TENM2: variants seen among roughly 807,000 people sequenced by gnomAD.
The protein encoded by TENM2 is teneurin transmembrane protein 2.
In TENM2, 52 loss-of-function variants were observed where a neutral mutation model predicts 245.2. That is an observed-to-expected ratio of 0.21 (90% CI 0.17 to 0.27). The LOEUF (loss-of-function observed/expected upper bound fraction) is 0.27. Among genes scored for constraint, TENM2 ranks in the 10% least tolerant of loss-of-function variants. TENM2 has a pLI of 1.00. For synonymous variants in TENM2, 1,363 were observed against 1,438.9 expected (o/e 0.95, Z 1.19); for missense variants, 3,046 against 3,666.8 (o/e 0.83, Z 4.37).
In TENM2 at chr5:167,558,056, C is replaced by T. The variant is rs571180659; in HGVS notation, c.502+182583C>T. On this transcript the variant is annotated intron_variant, in intron 2 of 28. Transcript: ENST00000518659. ...ATTGCATAGAAGATCTTCTAAAAGC[C>T]GTGAAACAGAAACCTTCAGTGCTTT... Among the ~76,000 whole-genome samples, 63 of 152,268 alleles carry T rather than the reference C, an allele frequency of 4.1e-4. 1 individual carries two copies. The East Asian group carries it at 0.012, about 28-fold the overall frequency.
the TENM2 span, among the ~76,000 whole-genome samples, chr5:167,080,303 G>C: frequency 6.6e-6 from 1 of 151,656 alleles, no homozygotes; most frequent in Non-Finnish European, 1.5e-5. Flanking sequence ...TGTTGGTGAC[G>C]GTGTGGTATG....
At chr5:167,590,845 G>A (rs1182374818) in intron 2 of TENM2, among the ~76,000 whole-genome samples, 2 of 152,088 alleles carry the variant, frequency 1.3e-5, no homozygotes, top group African/African-American at 4.8e-5. Flanking sequence ...TCCTGGAATT[G>A]TACTTTAAAT....
the TENM2 span, among the ~76,000 whole-genome samples, chr5:167,212,669 C>T: frequency 1.3e-5 from 2 of 152,130 alleles, no homozygotes; most frequent in Admixed American, 6.5e-5. Context: ...GTAAACTTAA[C>T]TGTATAAAAA....
At chr5:168,185,068 T>C (rs1760267222) in intron 13 of TENM2, 2 of 152,230 alleles carry the variant, frequency 1.3e-5, no homozygotes, top group Admixed American at 1.3e-4. Flanking sequence ...CCAGCCACAT[T>C]CTTTCCCAGC....
chr5:167,600,871 A>T (rs901178587), intron 2 of TENM2, among the ~76,000 whole-genome samples: 2 of 152,214 alleles, frequency 1.3e-5, no homozygotes, highest in Non-Finnish European at 2.9e-5. Context: ...ATAGACATTT[A>T]TCTTTATATA....
intron 2 of TENM2, among the ~76,000 whole-genome samples, chr5:167,541,164 CCTT>C (rs2127604385): frequency 6.6e-6 from 1 of 152,234 alleles, no homozygotes; most frequent in African/African-American, 2.4e-5. Context: ...AGCATCAATC[CCTT>C]CTTCTAATAA....
the TENM2 span, among the ~76,000 whole-genome samples, chr5:167,214,729 G>A: frequency 6.6e-6 from 1 of 152,128 alleles, no homozygotes; most frequent in Admixed American, 6.6e-5. Flanking sequence ...GGTGTCACTT[G>A]GAGCAGAGGA....
At chr5:167,815,925 T>C (rs749412809) in intron 2 of TENM2, among the ~76,000 whole-genome samples, 47 of 151,748 alleles carry the variant, frequency 3.1e-4, no homozygotes, top group Non-Finnish European at 3.4e-4. Context: ...CCCTCCATAG[T>C]ATGAGGGGTT....
intron 2 of TENM2, among the ~76,000 whole-genome samples, chr5:167,579,755 T>C (rs1276022720): frequency 1.3e-5 from 2 of 152,192 alleles, no homozygotes; most frequent in Non-Finnish European, 2.9e-5. Flanking sequence ...ACAGTTTACC[T>C]CTCTGCCCCC....
At chr5:167,992,956 C>G (rs758061925) in exon 5 of TENM2, 1 of 1,613,796 alleles carries the variant, frequency 6.2e-7, no homozygotes, top group African/African-American at 1.3e-5. Context: ...ACTTCCTCTT[C>G]AAGACCTCCT....
chr5:167,947,428 G>A (rs1019868505), intron 3 of TENM2, among the ~76,000 whole-genome samples: 9 of 152,152 alleles, frequency 5.9e-5, no homozygotes, highest in Admixed American at 5.2e-4. Flanking sequence ...GAACGACTCA[G>A]AAAGAAAAAT....
chr5:167,349,946 G>C (rs1394419792), intron 1 of TENM2, among the ~76,000 whole-genome samples: 3 of 152,014 alleles, frequency 2.0e-5, no homozygotes, highest in African/African-American at 7.3e-5. Context: ...TGAATATTTA[G>C]GAATACTTGA....
chr5:168,078,764 G>C (rs1259019419), intron 7 of TENM2, among the ~76,000 whole-genome samples: 2 of 151,920 alleles, frequency 1.3e-5, no homozygotes, highest in African/African-American at 4.8e-5. Context: ...ATTTCTGAGG[G>C]CTCTATTCTG....
chr5:168,201,074 A>C (rs574214213), intron 17 of TENM2, among the ~76,000 whole-genome samples: 1 of 152,148 alleles, frequency 6.6e-6, no homozygotes, highest in South Asian at 2.1e-4. Flanking sequence ...GCACCCTCAT[A>C]ACCCCATTGT....
chr5:168,177,193 G>A (rs1759437113), intron 13 of TENM2, among the ~76,000 whole-genome samples: 1 of 152,246 alleles, frequency 6.6e-6, no homozygotes, highest in Non-Finnish European at 1.5e-5. Context: ...GTGAATCCCA[G>A]CTTCCCCACC....
intron 4 of TENM2, among the ~76,000 whole-genome samples, chr5:167,973,052 C>T (rs916706323): frequency 3.3e-5 from 5 of 152,208 alleles, no homozygotes; most frequent in African/African-American, 1.2e-4. Context: ...CTCTTCTCCT[C>T]ATCCACCTTG....
At chr5:167,986,873 C>T (rs956898192) in intron 4 of TENM2, among the ~76,000 whole-genome samples, 1 of 152,196 alleles carries the variant, frequency 6.6e-6, no homozygotes, top group African/African-American at 2.4e-5. Flanking sequence ...TCCCTGTGAC[C>T]ATCTGGCCAA....
chr5:167,307,830 T>G (rs1488437634), intron 1 of TENM2: 2 of 152,238 alleles, frequency 1.3e-5, no homozygotes, highest in Non-Finnish European at 2.9e-5. Context: ...ATCCATACAA[T>G]GTTAACACTG....
Position 168,260,269 on chromosome 5 carries a change from G to A in TENM2, c.7433-14G>A. 1.2e-6 allele frequency: 2 copies of A among 1,612,928 alleles called. No individual in the cohort carries two copies. Among genetic ancestry groups the A allele is most frequent in the South Asian group, 1.1e-5 (1 of 90,912 alleles). On this transcript the variant is annotated splice_polypyrimidine_tract_variant and intron_variant, in intron 27 of 28. Coordinates refer to ENST00000518659, the Ensembl canonical transcript of TENM2. The stretch of plus-strand genomic sequence containing the variant: ...CATGATTTCAGAAACCTTTATTTTT[G>A]TTTTCCACCATAGATGTGAAAAGCT...
Sources: gnomAD v4.1 joint callset for allele counts (sites outside exome capture counted in the v4.1 genomes callset) on GRCh38, gnomAD v4.1.1 for gene constraint, MANE v1.5 for transcripts, NCBI Gene and HGNC (gene_info 2026-07-23, HGNC 2026-07-21) for gene names.